The following ZHX2 variants were observed in gnomAD, a reference collection of about 807,000 sequenced individuals.
ZHX2 encodes zinc fingers and homeoboxes 2.
In ZHX2, 6 loss-of-function variants were observed where a neutral mutation model predicts 21.9. The ratio of observed to expected loss-of-function variants is 0.27; its 90% CI spans 0.15 to 0.54. ZHX2 has a LOEUF of 0.54. Ranked by LOEUF, ZHX2 falls within the 20% of genes least tolerant of loss-of-function variation. The pLI is 0.95. For synonymous variants in ZHX2, 434 were observed against 437.1 expected, an observed-to-expected ratio of 0.99 and a Z score of 0.09; for missense variants, 908 against 1,090.7, an observed-to-expected ratio of 0.83 and a Z score of 2.36.
intron 3 of ZHX2, among the ~76,000 whole-genome samples, chr8:122,954,388 G>C (rs1813239746): frequency 6.6e-6 from 1 of 152,086 alleles, no homozygotes; most frequent in Non-Finnish European, 1.5e-5. Context: ...GGTCATTGTA[G>C]CCTCAAACTC....
intron 1 of ZHX2, among the ~76,000 whole-genome samples, chr8:122,831,101 A>G (rs918414727): frequency 2.6e-5 from 4 of 152,232 alleles, no homozygotes; most frequent in East Asian, 1.9e-4. Context: ...AATTATATGC[A>G]TAAGAGTTTG....
intron 1 of ZHX2, among the ~76,000 whole-genome samples, chr8:122,787,090 T>TGG (rs1433002871): frequency 1.4e-5 from 2 of 145,916 alleles, no homozygotes; most frequent in African/African-American, 5.0e-5. Flanking sequence ...TTGGCAGTGG[T>TGG]GTGTGTGTGT....
chr8:122,943,705 G>A (rs1586409712), intron 2 of ZHX2, among the ~76,000 whole-genome samples: 1 of 152,192 alleles, frequency 6.6e-6, no homozygotes, highest in Non-Finnish European at 1.5e-5. Flanking sequence ...AGCAGCCTGG[G>A]CCTTGACTGT....
At chr8:122,958,022 C>T (rs1813353710) in intron 3 of ZHX2, among the ~76,000 whole-genome samples, 1 of 152,202 alleles carries the variant, frequency 6.6e-6, no homozygotes, top group Non-Finnish European at 1.5e-5. Context: ...AGTTATGACA[C>T]ATAATAATCC....
chr8:122,954,606 G>A (rs1374566411), intron 3 of ZHX2, among the ~76,000 whole-genome samples: 1 of 152,204 alleles, frequency 6.6e-6, no homozygotes, highest in African/African-American at 2.4e-5. Flanking sequence ...ACTGAGCCCG[G>A]CTGATGAGTT....
upstream of ZHX2, chr8:122,780,678 C>G (rs1324314338): frequency 6.6e-6 from 1 of 152,230 alleles, no homozygotes; most frequent in African/African-American, 2.4e-5. Flanking sequence ...CTCTAAGGCG[C>G]CTAGGGGAAC....
intron 1 of ZHX2, among the ~76,000 whole-genome samples, chr8:122,814,099 T>C (rs190138579): frequency 6.6e-6 from 1 of 152,308 alleles, no homozygotes; most frequent in East Asian, 1.9e-4. Flanking sequence ...ACTACTAATC[T>C]ACACTGGCTG....
chr8:122,881,625 T>A (rs2129789023), intron 2 of ZHX2, among the ~76,000 whole-genome samples: 1 of 152,326 alleles, frequency 6.6e-6, no homozygotes, highest in East Asian at 1.9e-4. Flanking sequence ...TAAATTTAGT[T>A]TGGGGCATGG....
chr8:122,940,360 G>A (rs555575118), intron 2 of ZHX2, among the ~76,000 whole-genome samples: 8 of 152,278 alleles, frequency 5.3e-5, no homozygotes, highest in Non-Finnish European at 1.0e-4. Context: ...CGGGGCTCCC[G>A]GTTCACATGG....
chr8:122,943,448 A>C (rs1021716097), intron 2 of ZHX2, among the ~76,000 whole-genome samples: 3 of 152,160 alleles, frequency 2.0e-5, no homozygotes, highest in African/African-American at 7.2e-5. Context: ...GTGTCCACGT[A>C]GGGTTTCTGA....
chr8:122,799,957 A>C (rs912898794), intron 1 of ZHX2, among the ~76,000 whole-genome samples: 3 of 151,960 alleles, frequency 2.0e-5, no homozygotes, highest in Non-Finnish European at 2.9e-5. Flanking sequence ...TCCACCTCCC[A>C]AACGATTCTC....
At chr8:122,959,337 T>A (rs1389343920) in intron 3 of ZHX2, among the ~76,000 whole-genome samples, 6 of 152,184 alleles carry the variant, frequency 3.9e-5, no homozygotes, top group Non-Finnish European at 7.3e-5. Context: ...CCAGAAGAGG[T>A]ATGCCCTCAC....
intron 2 of ZHX2, among the ~76,000 whole-genome samples, chr8:122,864,297 G>C (rs186553501): frequency 4.0e-5 from 6 of 151,632 alleles, no homozygotes; most frequent in African/African-American, 1.5e-4. Context: ...CATTGCCTCC[G>C]TTTTAGGTGC....
At chr8:122,882,717 C>T (rs1435720808) in intron 2 of ZHX2, among the ~76,000 whole-genome samples, 4 of 152,200 alleles carry the variant, frequency 2.6e-5, no homozygotes, top group Non-Finnish European at 5.9e-5. Flanking sequence ...CACAGTGGCT[C>T]ATGCCTGTAA....
intron 2 of ZHX2, among the ~76,000 whole-genome samples, chr8:122,931,638 A>T (rs1419496536): frequency 6.6e-6 from 1 of 152,156 alleles, no homozygotes; most frequent in Non-Finnish European, 1.5e-5. Context: ...GCGCTGCAGC[A>T]TCAGAGTCTT....
rs1398728980 is a variant in ZHX2 at position 122,936,078 on chromosome 8, T to A, written c.-219-15214T>A. On this transcript the variant is annotated intron_variant, in intron 2 of 3. Transcript: ENST00000314393. Reference sequence around the variant, plus strand: ...AGTGAATGCCTGAGCTATGTTTATATTTCTATGTCCGAAAAGAAAAAAACA... The same window carrying A: ...AGTGAATGCCTGAGCTATGTTTATAATTCTATGTCCGAAAAGAAAAAAACA... Among the ~76,000 whole-genome samples, 5 of 152,242 alleles carry A rather than the reference T, an allele frequency of 3.3e-5. No homozygotes were observed. The East Asian group carries it at 9.6e-4, about 29-fold the overall frequency.
chr8:122,827,681 G>A (rs115398191), intron 1 of ZHX2, among the ~76,000 whole-genome samples: 112 of 152,364 alleles, frequency 7.4e-4, no homozygotes, highest in African/African-American at 2.5e-3. Context: ...GAGAGAATCT[G>A]TACATAAATA....
At chr8:122,915,609 T>C (rs1009428860) in intron 2 of ZHX2, among the ~76,000 whole-genome samples, 8 of 152,232 alleles carry the variant, frequency 5.3e-5, no homozygotes, top group African/African-American at 1.9e-4. Flanking sequence ...AAGAAAACAT[T>C]TCCTCCTTCA....
chr8:122,966,699 T>G (rs1345393747), intron 3 of ZHX2, among the ~76,000 whole-genome samples: 5 of 152,222 alleles, frequency 3.3e-5, no homozygotes, highest in Non-Finnish European at 7.3e-5. Flanking sequence ...GATATCTAGA[T>G]CTCTAGCAAG....
Sources: gnomAD v4.1 joint callset for allele counts (sites outside exome capture counted in the v4.1 genomes callset) on GRCh38, gnomAD v4.1.1 for gene constraint, MANE v1.5 for transcripts, NCBI Gene and HGNC (gene_info 2026-07-23, HGNC 2026-07-21) for gene names.